The following MACF1 variants were observed in gnomAD, a reference collection of about 807,000 sequenced individuals.
MACF1 encodes the protein microtubule actin crosslinking factor 1.
Under a neutral mutation model 854.8 loss-of-function variants are expected in MACF1, and 193 were observed. The ratio of observed to expected loss-of-function variants is 0.23; its 90% CI spans 0.20 to 0.25. The LOEUF (loss-of-function observed/expected upper bound fraction) is 0.25, where lower values mean the gene tolerates loss of function less well. Ranked by LOEUF, MACF1 falls within the 10% of genes least tolerant of loss-of-function variation. The pLI, the probability that MACF1 is intolerant of heterozygous loss-of-function variation, is 1.00. For synonymous variants in MACF1, 3,185 were observed against 3,226.7 expected, an observed-to-expected ratio of 0.99 and a Z score of 0.44; for missense variants, 7,722 against 8,929.1, an observed-to-expected ratio of 0.86 and a Z score of 5.45.
At chr1:39,224,956 G>GGGA (rs1281322570) in intron 1 of MACF1, among the ~76,000 whole-genome samples, 1 of 152,082 alleles carries the variant, frequency 6.6e-6, no homozygotes, top group African/African-American at 2.4e-5. Flanking sequence ...AGGCTGAGGT[G>GGGA]GGAGGATCAC....
Position 39,336,318 on chromosome 1 carries a change from A to C in MACF1, c.9730A>C (p.Asn3244His), listed in dbSNP as rs1384684987. 4.3e-6 allele frequency: 7 copies of C among 1,614,194 alleles called. No individual in the cohort carries two copies. The highest frequency in any genetic ancestry group is 1.1e-5 in the South Asian group (1 of 91,086). Residue 3244 changes from asparagine to histidine, a missense_variant, in exon 37 of 101, where the codon AAC (asparagine) becomes CAC (histidine). Physicochemically the swap from Asn to His is moderately conservative, Grantham distance 68 (BLOSUM62 1). This residue lies in a region of MACF1 where 854 missense variants were observed against 852.6 expected (regional missense o/e 1.00). Transcript: ENST00000564288. ...LTGEKFLEMA[N>H]PNVAGLEAGS... ...TGGAGAGAAATTTCTAGAAATGGCAAACCCTAATGTTGCAGGTCTAGAAGC... is the reference window on the plus strand; with the variant it reads ...TGGAGAGAAATTTCTAGAAATGGCACACCCTAATGTTGCAGGTCTAGAAGC...
At chr1:39,101,896 G>A (rs365731) in intron 2 of MACF1, among the ~76,000 whole-genome samples, 53,242 of 150,562 alleles carry the variant, frequency 0.35, 10,223 homozygotes, top group East Asian at 0.65. Flanking sequence ...AAAGAAAGAG[G>A]CTGGGCGCGG....
rs1379853201 is a variant in MACF1, at chr1:39,485,744, T to A, written c.22618T>A (p.Ser7540Thr). The A allele has an allele frequency of 4.3e-6, 7 of 1,612,848 alleles. No individual in the cohort carries two copies. In the African/African-American group the frequency reaches 9.4e-5, roughly 22 times the overall value. Residue 7540 changes from serine to threonine, a missense_variant, in exon 101 of 101, where the codon TCT (serine) becomes ACT (threonine). Transcript: ENST00000564288. ...LNKPSKIPTM[S>T]KKTTTASPRT... ...CAAACCTTCCAAAATCCCAACCATG[T>A]CTAAGAAGACCACCACTGCCTCCCC...
chr1:39,245,379 A>G (rs1010724673), intron 2 of MACF1, among the ~76,000 whole-genome samples: 1 of 152,042 alleles, frequency 6.6e-6, no homozygotes, highest in Admixed American at 6.6e-5. Flanking sequence ...AACCCCCTCC[A>G]GCGCGATTCT....
intron 2 of MACF1, among the ~76,000 whole-genome samples, chr1:39,198,375 G>C (rs1470844954): frequency 6.6e-6 from 1 of 152,000 alleles, no homozygotes; most frequent in African/African-American, 2.4e-5. Context: ...TGGGCGTGCC[G>C]GGCGCGGTGG....
Position 39,432,653 on chromosome 1 carries a change from A to G in MACF1, c.17456A>G (p.Lys5819Arg). Residue 5819 changes from lysine (K) to arginine (R), a missense_variant and splice_region_variant, in exon 67 of 101, where the codon AAG becomes AGG. This residue lies in a region of MACF1 where 2,807 missense variants were observed against 3,235.8 expected (regional missense o/e 0.87). Coordinates refer to ENST00000564288, the MANE Select transcript of MACF1 (RefSeq NM_001394062.1). Reference protein sequence around the residue: ...DQTTAQLQVQKAFSIDIIRHK... With the variant: ...DQTTAQLQVQRAFSIDIIRHK... ...ACCACAGCTCAGCTTCAGGTACAGAAGGTACGTGCCCACTCTTTCCTGAGC... is the reference window on the plus strand; with the variant it reads ...ACCACAGCTCAGCTTCAGGTACAGAGGGTACGTGCCCACTCTTTCCTGAGC... The G allele has an allele frequency of 6.2e-7, 1 of 1,613,822 alleles. No homozygotes were observed. Among genetic ancestry groups the G allele is most frequent in the South Asian group, 1.1e-5 (1 of 91,038 alleles).
At chr1:39,226,485 C>T (rs907923797) in intron 1 of MACF1, among the ~76,000 whole-genome samples, 4 of 151,922 alleles carry the variant, frequency 2.6e-5, no homozygotes, top group Admixed American at 6.6e-5. Context: ...GGATTACAGG[C>T]GTGTGCCACC....
At chr1:39,361,840 AT>A (rs1466417661) in intron 49 of MACF1, among the ~76,000 whole-genome samples, 163 bp downstream of exon 49, 1 of 152,128 alleles carries the variant, frequency 6.6e-6, no homozygotes, top group Non-Finnish European at 1.5e-5. Flanking sequence ...TCATTTGTCC[AT>A]TTTTTAAGCA....
chr1:39,401,011 G>A (rs1353752646), intron 58 of MACF1, among the ~76,000 whole-genome samples: 2 of 152,124 alleles, frequency 1.3e-5, no homozygotes, highest in Non-Finnish European at 2.9e-5. Context: ...GTTTTTGTGG[G>A]AACAATAGGG....
intron 49 of MACF1, among the ~76,000 whole-genome samples, chr1:39,367,794 A>C (rs998072662): frequency 5.0e-5 from 7 of 141,014 alleles, no homozygotes; most frequent in Middle Eastern, 3.4e-3. Context: ...CAGATTTTTT[A>C]ATTGGGCTTT....
In MACF1 at chr1:39,455,069, G is replaced by T. The variant is rs756134944; in HGVS notation, c.21047G>T (p.Arg7016Leu). 6.2e-7 allele frequency: 1 copy of T among 1,614,056 alleles called. No homozygotes were observed. Among genetic ancestry groups the T allele is most frequent in the Admixed American group, 1.7e-5 (1 of 59,994 alleles). ...GAGCCAATCCCGCAGAACATTGACC[G>T]AGTTAAAGCCCTTATCGCTGAGCAT... ...DQEPIPQNID[R>L]VKALIAEHQT... Residue 7016 changes from arginine to leucine, a missense_variant, in exon 89 of 101, where the codon CGA becomes CTA. Physicochemically the swap from Arg to Leu is moderately radical, Grantham distance 102 (BLOSUM62 -2). This residue lies in a region of MACF1 where 729 missense variants were observed against 900.5 expected (regional missense o/e 0.81). Transcript: ENST00000564288.
intron 87 of MACF1, among the ~76,000 whole-genome samples, 198 bp downstream of exon 87, chr1:39,453,010 C>T (rs1644367226): frequency 6.6e-6 from 1 of 152,198 alleles, no homozygotes; most frequent in African/African-American, 2.4e-5. Context: ...TAAACAGTAA[C>T]ATTCATTCTT....
intron 97 of MACF1, among the ~76,000 whole-genome samples, chr1:39,476,546 G>A (rs543688192): frequency 1.5e-3 from 222 of 151,780 alleles, no homozygotes; most frequent in African/African-American, 5.1e-3. Context: ...ACTCCAGCCT[G>A]GGCAACAGAA....
In MACF1 at chr1:39,419,901, C is replaced by CT. The variant is rs1209359254; in HGVS notation, c.15817-2472dup. Among the ~76,000 whole-genome samples the CT allele has an allele frequency of 2.6e-5, 4 of 152,128 alleles. No homozygotes were observed. In the East Asian group the frequency reaches 7.7e-4, roughly 29 times the overall value. ...CAGGCTGGTCTCAAACTCCTGAGCTCTGGCAATCTGTCTGCCTTGGCCTCC... is the reference window on the plus strand; with the variant it reads ...CAGGCTGGTCTCAAACTCCTGAGCTCTTGGCAATCTGTCTGCCTTGGCCTCC... On this transcript the variant is annotated intron_variant, in intron 58 of 100. Coordinates refer to ENST00000564288, the MANE Select transcript of MACF1 (RefSeq NM_001394062.1).
In MACF1 at chr1:39,250,403, C is replaced by T. The variant is rs11806380; in HGVS notation, c.261+300C>T. On this transcript the variant is annotated intron_variant, in intron 3 of 100. Coordinates refer to ENST00000564288, the MANE Select transcript of MACF1 (RefSeq NM_001394062.1). ...CTTTATTTTCTAGATACTAATATTTCAGAAACAGTAGATTCATGTTTAAAG... is the reference window on the plus strand; with the variant it reads ...CTTTATTTTCTAGATACTAATATTTTAGAAACAGTAGATTCATGTTTAAAG... Among the ~76,000 whole-genome samples, 1,317 of 152,084 alleles carry T rather than the reference C, an allele frequency of 8.7e-3. 23 individuals are homozygous for T. Among genetic ancestry groups the T allele is most frequent in the African/African-American group, 0.03 (1,248 of 41,484 alleles).
At chr1:39,427,427 G>A (rs1052215026) in intron 61 of MACF1, 28 bp from the exon 62 acceptor site, 12 of 1,603,834 alleles carry the variant, frequency 7.5e-6, no homozygotes, top group Non-Finnish European at 1.0e-5. Flanking sequence ...TTTTCTTCCT[G>A]AGCAGCTTGT....
At chr1:39,372,637 T>C in intron 52 of MACF1, 41 bp downstream of exon 52, 1 of 1,411,712 alleles carries the variant, frequency 7.1e-7, no homozygotes, top group Admixed American at 1.7e-5. Context: ...TAAAAATTGC[T>C]CTTTGCTTTT....
At chr1:39,243,528 A>C (rs761240103) in intron 2 of MACF1, among the ~76,000 whole-genome samples, 24 of 152,226 alleles carry the variant, frequency 1.6e-4, no homozygotes, top group Non-Finnish European at 3.1e-4. Context: ...CAGACTCCTG[A>C]GTAGCTGGGA....
Position 39,439,474 on chromosome 1 carries a change from A to G in MACF1, c.18421A>G (p.Ile6141Val), listed in dbSNP as rs764640438. ...AAGCCCAGGCATTGATCCTTCCATC[A>G]TCAAACAACAGGTTGAAGCTGCTGA... ...LESPGIDPSI[I>V]KQQVEAAETI... is the part of the protein sequence containing the mutation. Residue 6141 changes from isoleucine (I) to valine (V), a missense_variant, in exon 72 of 101, where the codon ATC becomes GTC. Ile to Val is a conservative substitution (Grantham distance 29, BLOSUM62 3). Coordinates refer to ENST00000564288, the MANE Select transcript of MACF1 (RefSeq NM_001394062.1). The G allele has an allele frequency of 1.5e-5, 24 of 1,614,182 alleles. No homozygotes were observed. In the East Asian group the frequency reaches 2.0e-4, roughly 13 times the overall value.
Sources: gnomAD v4.1 joint callset for allele counts (sites outside exome capture counted in the v4.1 genomes callset) on GRCh38, gnomAD v4.1.1 for gene constraint, gnomAD v4.1.1 regional missense constraint, MANE v1.5 for transcripts, NCBI Gene and HGNC (gene_info 2026-07-23, HGNC 2026-07-21) for gene names.